Variants in ZNF45 observed in about 807,000 individuals in gnomAD.
ZNF45 encodes the protein BRC1744.
In ZNF45, 4 loss-of-function variants were observed where a neutral mutation model predicts 12.0. That is an observed-to-expected ratio of 0.33 (90% CI 0.16 to 0.76). The LOEUF is 0.76. ZNF45 is among the 30% of genes least tolerant of loss of function. ZNF45 has a pLI of 0.60. For synonymous variants in ZNF45, 272 were observed against 279.6 expected, an observed-to-expected ratio of 0.97 and a Z score of 0.27; for missense variants, 700 against 813.0, an observed-to-expected ratio of 0.86 and a Z score of 1.69.
At position 43,913,117 on chromosome 19, in the gene ZNF45, T is replaced by C. The variant is rs923399606; in HGVS notation, c.*270A>G. 1 of 333,484 alleles carries C rather than the reference T, an allele frequency of 3.0e-6. No individual in the cohort carries two copies. Among genetic ancestry groups the C allele is most frequent in the Non-Finnish European group, 5.5e-6 (1 of 182,716 alleles). 20.7% of individuals were successfully genotyped at this position (333,484 alleles called of 1,614,324 possible). ...GTCCCTGCCCTCTTGGATCTTATAT[T>C]CTAGTGGAACAGAATTCAGCATTTC... is the stretch of plus-strand genomic sequence containing the variant. On this transcript the variant is annotated 3_prime_UTR_variant, in exon 10 of 10. Coordinates refer to ENST00000269973, the MANE Select transcript of ZNF45 (RefSeq NM_003425.4).
At chr19:43,919,290 A>C (rs1464969199) in intron 8 of ZNF45, among the ~76,000 whole-genome samples, 2 of 152,230 alleles carry the variant, frequency 1.3e-5, no homozygotes, top group Non-Finnish European at 2.9e-5. Flanking sequence ...CATTAAAAAA[A>C]CCAATGGTAC....
chr19:43,914,497 G>A lies in ZNF45; in HGVS notation c.939C>T (p.Phe313=). 1 of 1,613,710 alleles carries A rather than the reference G, an allele frequency of 6.2e-7. No homozygotes were observed. The highest frequency in any genetic ancestry group is 8.5e-7 in the Non-Finnish European group (1 of 1,179,758). ...GAGCCTGCAGTCGTGAACGCCAACT[G>A]AAGCTCTTCCCACACTCTTCACACT... ...PYKCEECGKS[F]SWRSRLQAHE... is the part of the protein sequence containing the mutation. Residue 313 remains phenylalanine, a synonymous_variant, in exon 10 of 10, where the codon TTC becomes TTT. Transcript: ENST00000269973.
rs368057244 is a variant in ZNF45, at chr19:43,922,820, G to GTTTTTT, written c.-32-609_-32-604dup. ...AATGGTTTCTACCAATAAATTCTTT[G>GTTTTTT]TTTTTTTTTTTTTTTTTTTTTTTGA... On this transcript the variant is annotated intron_variant, in intron 6 of 9. Coordinates refer to ENST00000269973, the MANE Select transcript of ZNF45 (RefSeq NM_003425.4). 3.1e-4 allele frequency among the ~76,000 whole-genome samples: 27 copies of GTTTTTT among 86,486 alleles called. 1 individual carries two copies. Among genetic ancestry groups the GTTTTTT allele is most frequent in the Non-Finnish European group, 3.9e-4 (19 of 48,214 alleles). 56.7% of individuals were successfully genotyped at this position (86,486 alleles called of 152,430 possible).
At chr19:43,923,280 T>C (rs1973362368) in intron 6 of ZNF45, among the ~76,000 whole-genome samples, 2 of 152,190 alleles carry the variant, frequency 1.3e-5, no homozygotes, top group South Asian at 2.1e-4. Context: ...ATAGTTTTGC[T>C]TTCTGTGGTT....
Position 43,914,742 on chromosome 19 carries a change from T to C in ZNF45, c.694A>G (p.Arg232Gly). Residue 232 changes from arginine to glycine, a missense_variant, in exon 10 of 10, where the codon AGG becomes GGG. By Grantham distance (125) the Arg-to-Gly change is moderately radical (BLOSUM62 -2). Coordinates refer to ENST00000269973, the MANE Select transcript of ZNF45 (RefSeq NM_003425.4). Reference sequence around the variant, plus strand: ...CTCTGATGATGGGGAAGATGTGACCTCTGACTAAAACTCCTGTAACTTGCA... The same window carrying C: ...CTCTGATGATGGGGAAGATGTGACCCCTGACTAAAACTCCTGTAACTTGCA... ...NDASYRSFSQ[R>G]SHLPHHQRVP... The C allele has an allele frequency of 6.2e-7, 1 of 1,614,208 alleles. No homozygotes were observed. The highest frequency in any genetic ancestry group is 8.5e-7 in the Non-Finnish European group (1 of 1,180,034).
Position 43,919,408 on chromosome 19 carries a change from T to G in ZNF45, c.142+165A>C, listed in dbSNP as rs145774853. On this transcript the variant is annotated intron_variant, in intron 8 of 9. Transcript: ENST00000269973. ...GTCAATTTATGGTTCATTAACAAAA[T>G]ACACACTTTTGCCAGGGGAGAAAGA... 5.5e-4 allele frequency among the ~76,000 whole-genome samples: 83 copies of G among 152,292 alleles called. 1 individual carries two copies. Among genetic ancestry groups the G allele is most frequent in the Middle Eastern group, 6.8e-3 (2 of 294 alleles).
At chr19:43,919,817 T>C (rs1215831385) in intron 7 of ZNF45, 118 bp from the exon 8 acceptor site, 4 of 1,078,596 alleles carry the variant, frequency 3.7e-6, no homozygotes, top group Middle Eastern at 4.2e-4. Flanking sequence ...TAAGAGACCA[T>C]ATTCAACTTT....
At chr19:43,919,268 C>T (rs1203175132) in intron 8 of ZNF45, among the ~76,000 whole-genome samples, 1 of 151,978 alleles carries the variant, frequency 6.6e-6, no homozygotes, top group Non-Finnish European at 1.5e-5. Context: ...CATTTTCTAC[C>T]CCATTTTATT....
intron 8 of ZNF45, 23 bp from the exon 9 acceptor site, chr19:43,918,985 G>T (rs1285583007): frequency 6.2e-7 from 1 of 1,602,248 alleles, no homozygotes; most frequent in East Asian, 2.2e-5. Context: ...AAGGACATAG[G>T]TTTATAATTA....
chr19:43,922,833 T>TTG (rs1240201952), intron 6 of ZNF45, among the ~76,000 whole-genome samples: 6 of 143,500 alleles, frequency 4.2e-5, no homozygotes, highest in East Asian at 2.0e-4. Context: ...TTTTTTTTTT[T>TTG]TTTTTTTTTT....
chr19:43,917,367 C>T (rs79875431), intron 9 of ZNF45, among the ~76,000 whole-genome samples: 1,606 of 152,232 alleles, frequency 0.011, 20 homozygotes, highest in Non-Finnish European at 0.016. Context: ...ACAAATTGTT[C>T]AAATAGAAAG....
chr19:43,932,824 C>A (rs1022392554), intron 2 of ZNF45, 134 bp from the exon 3 acceptor site: 2 of 152,218 alleles, frequency 1.3e-5, no homozygotes, highest in Non-Finnish European at 2.9e-5. Flanking sequence ...GTAGCATTCT[C>A]CTAGCTGCCA....
intron 2 of ZNF45, among the ~76,000 whole-genome samples, chr19:43,934,173 C>A (rs1344852996): frequency 6.6e-6 from 1 of 152,174 alleles, no homozygotes; most frequent in Non-Finnish European, 1.5e-5. Flanking sequence ...TAGGCTCTCT[C>A]CATTTCCTCA....
chr19:43,915,340 G>C (rs1274422292), intron 9 of ZNF45, 140 bp from the exon 10 acceptor site: 2 of 803,418 alleles, frequency 2.5e-6, no homozygotes, highest in African/African-American at 1.8e-5. Flanking sequence ...ATAGACATCT[G>C]AACAAAGTGG....
intron 9 of ZNF45, among the ~76,000 whole-genome samples, chr19:43,918,106 T>C (rs983190932): frequency 1.3e-5 from 2 of 152,208 alleles, no homozygotes; most frequent in African/African-American, 2.4e-5. Flanking sequence ...AAGAGGTGGA[T>C]GGTTGCCACA....
At position 43,914,932 on chromosome 19, in the gene ZNF45, A is replaced by G. The variant is rs781416966; in HGVS notation, c.504T>C (p.His168=). The G allele has an allele frequency of 1.3e-5, 21 of 1,612,438 alleles. No homozygotes were observed. Among genetic ancestry groups the G allele is most frequent in the South Asian group, 5.5e-5 (5 of 91,054 alleles). Residue 168 remains histidine (H), a synonymous_variant, in exon 10 of 10, where the codon CAT becomes CAC. Transcript: ENST00000269973. ...AGCTCCAGCTGAAACTTTTCACACAATGTTCTCCTTTGTAGGGTTTTTCAC... is the reference window on the plus strand; with the variant it reads ...AGCTCCAGCTGAAACTTTTCACACAGTGTTCTCCTTTGTAGGGTTTTTCAC... ...HTGEKPYKGE[H]CVKSFSWSSH...
chr19:43,913,058 C>CT lies in ZNF45; in HGVS notation c.*328dup, dbSNP rs1416229174. On this transcript the variant is annotated 3_prime_UTR_variant, in exon 10 of 10. Coordinates refer to ENST00000269973, the MANE Select transcript of ZNF45 (RefSeq NM_003425.4). Reference sequence around the variant, plus strand: ...CTGAAAAATTACAACGTATTAGGCACTGAAAAGGCAGAGTAGATTTGGCAG... The same window carrying CT: ...CTGAAAAATTACAACGTATTAGGCACTTGAAAAGGCAGAGTAGATTTGGCAG... The CT allele has an allele frequency of 1.8e-5, 4 of 227,380 alleles. No homozygotes were observed. The highest frequency in any genetic ancestry group is 6.8e-5 in the African/African-American group (3 of 44,356). The allele number at this position is 227,380 out of a possible 1,614,324, so 14.1% of individuals were successfully genotyped here. A position where few individuals can be genotyped will look rare whatever the true frequency, so the allele number is the denominator to read the frequency against.
rs551845683 is a variant in ZNF45, at chr19:43,919,503, G to A, written c.142+70C>T. ...TGAAAACCAGTTCAAGAGCTCCAAA[G>A]CCCTGTATACCCAAGGACAGAGAGA... On this transcript the variant is annotated intron_variant, in intron 8 of 9. Transcript: ENST00000269973. The A allele has an allele frequency of 3.9e-4, 603 of 1,536,532 alleles. 1 individual carries two copies. Among genetic ancestry groups the A allele is most frequent in the Admixed American group, 8.7e-4 (42 of 48,554 alleles).
intron 9 of ZNF45, among the ~76,000 whole-genome samples, chr19:43,916,353 C>T (rs1397113251): frequency 6.6e-6 from 1 of 151,918 alleles, no homozygotes; most frequent in Non-Finnish European, 1.5e-5. Context: ...TGAGCTCAAG[C>T]TATCCACCTG....
Sources: gnomAD v4.1 joint callset for allele counts (sites outside exome capture counted in the v4.1 genomes callset) on GRCh38, gnomAD v4.1.1 for gene constraint, MANE v1.5 for transcripts, NCBI Gene and HGNC (gene_info 2026-07-23, HGNC 2026-07-21) for gene names.